The following GFI1 variants were observed in gnomAD, a reference collection of about 807,000 sequenced individuals.
The protein encoded by GFI1 is growth factor independent 1 transcriptional repressor.
Under a neutral mutation model 39.2 loss-of-function variants are expected in GFI1, and 15 were observed. That is an observed-to-expected ratio of 0.38 (90% confidence interval 0.26 to 0.59). The LOEUF (loss-of-function observed/expected upper bound fraction) is 0.59. Ranked by LOEUF, GFI1 falls within the 20% of genes least tolerant of loss-of-function variation. The pLI is 0.62. For missense variants in GFI1, 475 were observed against 574.0 expected, an observed-to-expected ratio of 0.83 and a Z score of 1.76; for synonymous variants, 239 against 254.3, an observed-to-expected ratio of 0.94 and a Z score of 0.57.
chr1:92,482,796 G>A lies in GFI1; in HGVS notation c.298+68C>T, dbSNP rs1658324395. ...TTAGCATTTCTACGCCCAAGGTCGCGCCAATTCCCCCCCAGCACTGCCGGG... is the reference window on the plus strand; with the variant it reads ...TTAGCATTTCTACGCCCAAGGTCGCACCAATTCCCCCCCAGCACTGCCGGG... On this transcript the variant is annotated intron_variant, in intron 3 of 6. Transcript: ENST00000294702. The surrounding 1 kb of genome is among the most constrained non-coding windows in gnomAD (Gnocchi z 4.4). 7.8e-7 allele frequency: 1 copy of A among 1,275,612 alleles called. No homozygotes were observed. Among genetic ancestry groups the A allele is most frequent in the Non-Finnish European group, 1.1e-6 (1 of 874,762 alleles). The allele number at this position is 1,275,612 out of a possible 1,614,324, so 79.0% of individuals were successfully genotyped here. A position where few individuals can be genotyped will look rare whatever the true frequency, so the allele number is the denominator to read the frequency against.
At chr1:92,483,789 T>A (rs1658406488) in intron 1 of GFI1, 2 of 437,900 alleles carry the variant, frequency 4.6e-6, no homozygotes, top group Non-Finnish European at 8.6e-6. Flanking sequence ...CCGCCGCCAC[T>A]GACACAGCTC....
chr1:92,475,915 T>A lies in GFI1; in HGVS notation c.*114A>T. The A allele has an allele frequency of 1.0e-6, 1 of 955,624 alleles. No individual in the cohort carries two copies. Among genetic ancestry groups the A allele is most frequent in the Non-Finnish European group, 1.6e-6 (1 of 609,780 alleles). The allele number at this position is 955,624 out of a possible 1,614,324, so 59.2% of individuals were successfully genotyped here. ...CCTGGTAGGATCTGCAGACTGGACC[T>A]GGGGTCTGGAAAGTCAGAAGGGAGT... On this transcript the variant is annotated 3_prime_UTR_variant, in exon 7 of 7. Transcript: ENST00000294702.
chr1:92,486,599 G>C (rs1484199252), intron 1 of GFI1, 127 bp downstream of exon 1: 2 of 139,834 alleles, frequency 1.4e-5, no homozygotes, highest in Non-Finnish European at 3.0e-5. Context: ...ACCGGCCCGC[G>C]GTGCCGCCGG....
rs993932597 is a variant in GFI1, at chr1:92,476,284, C to T, written c.1091-77G>A. On this transcript the variant is annotated intron_variant, in intron 6 of 6. Transcript: ENST00000294702. ...GAGGGGACCCACTGTGACCCACATG[C>T]TCTTGGCAGCAGCTGGTTGCACCAC... 2.9e-6 allele frequency: 4 copies of T among 1,363,306 alleles called. No homozygotes were observed. The African/African-American group carries it at 4.3e-5, about 15-fold the overall frequency. 84.5% of individuals were successfully genotyped at this position (1,363,306 alleles called of 1,614,324 possible).
chr1:92,481,345 G>A lies in GFI1; in HGVS notation c.299-257C>T, dbSNP rs1170670538. 6.6e-6 allele frequency among the ~76,000 whole-genome samples: 1 copy of A among 152,240 alleles called. No homozygotes were observed. Among genetic ancestry groups the A allele is most frequent in the Admixed American group, 6.5e-5 (1 of 15,292 alleles). ...GGAGAGGAGGTCGTAAATTCTGTGCGAGTGCAGCGGAGGCGCTCGGCGTTC... is the reference window on the plus strand; with the variant it reads ...GGAGAGGAGGTCGTAAATTCTGTGCAAGTGCAGCGGAGGCGCTCGGCGTTC... On this transcript the variant is annotated intron_variant, in intron 3 of 6. Transcript: ENST00000294702. The surrounding 1 kb of genome is among the most constrained non-coding windows in gnomAD (Gnocchi z 4.3).
intron 6 of GFI1, 85 bp downstream of exon 6, chr1:92,478,503 C>G (rs1483511319): frequency 1.7e-6 from 2 of 1,170,056 alleles, no homozygotes; most frequent in African/African-American, 3.0e-5. Context: ...GCCTCATCCA[C>G]CACTCACTGG....
At position 92,483,449 on chromosome 1, in the gene GFI1, G is replaced by A. The variant is rs371677124; in HGVS notation, c.39C>T (p.His13=). 1.9e-6 allele frequency: 3 copies of A among 1,612,782 alleles called. No individual in the cohort carries two copies. Among genetic ancestry groups the A allele is most frequent in the Non-Finnish European group, 2.5e-6 (3 of 1,178,976 alleles). Residue 13 remains histidine (H), a synonymous_variant, in exon 2 of 7, where the codon CAC becomes CAT. Coordinates refer to ENST00000294702, the MANE Select transcript of GFI1 (RefSeq NM_005263.5). ...RSFLVKSKKA[H]SYHQPRSPGP... ...CTGGGGAGCGCGGCTGGTGGTAGCT[G>A]TGAGCCTTCTTGCTTTTGACGAGAA... is the stretch of plus-strand genomic sequence containing the variant.
At position 92,480,725 on chromosome 1, in the gene GFI1, A is replaced by G; in HGVS notation, c.662T>C (p.Leu221Pro). ...YERPTAAAGL[L>P]YPERGHGLHA... ...CAGCCCGTGGCCACGCTCGGGGTAC[A>G]GCAAGCCCGCCGCTGCCGTGGGCCT... The change falls in exon 4 of 7, where the codon CTG becomes CCG. Residue 221 changes from leucine to proline, a missense_variant. Physicochemically the swap from Leu to Pro is moderately conservative, Grantham distance 98. This residue lies in a region of GFI1 where 79 missense variants were observed against 68.4 expected (regional missense o/e 1.15). Transcript: ENST00000294702. This position sits in a 1 kb window ranked among gnomAD's most constrained non-coding sequence, Gnocchi z 5.6. 6.3e-7 allele frequency: 1 copy of G among 1,594,772 alleles called. No homozygotes were observed. The highest frequency in any genetic ancestry group is 8.5e-7 in the Non-Finnish European group (1 of 1,176,954).
intron 1 of GFI1, among the ~76,000 whole-genome samples, chr1:92,485,180 G>A (rs1658469838): frequency 6.6e-6 from 1 of 152,202 alleles, no homozygotes; most frequent in Non-Finnish European, 1.5e-5. Flanking sequence ...CCAAGCGCCA[G>A]AATGCCCCTA....
intron 5 of GFI1, among the ~76,000 whole-genome samples, chr1:92,479,828 G>A (rs1041580538): frequency 5.3e-5 from 8 of 151,980 alleles, no homozygotes; most frequent in African/African-American, 1.9e-4. Flanking sequence ...CCTCCAGCCT[G>A]GGCAACAGAG....
chr1:92,485,868 G>C (rs981135648), intron 1 of GFI1: 2 of 152,250 alleles, frequency 1.3e-5, no homozygotes, highest in Non-Finnish European at 2.9e-5. Flanking sequence ...CCAGCTGCCG[G>C]AGCTCTCTGG....
chr1:92,478,117 T>C (rs1658049452), intron 6 of GFI1, among the ~76,000 whole-genome samples: 1 of 152,170 alleles, frequency 6.6e-6, no homozygotes, highest in Admixed American at 6.5e-5. Flanking sequence ...ATATTTGCCA[T>C]TATTTGTTCC....
At chr1:92,483,272 G>A in intron 2 of GFI1, 101 bp downstream of exon 2, 1 of 775,436 alleles carries the variant, frequency 1.3e-6, no homozygotes, top group Admixed American at 2.0e-5. Flanking sequence ...AGCAGCAAAA[G>A]GGACGTTGGG....
Position 92,482,747 on chromosome 1 carries a change from C to T in GFI1, c.298+117G>A. ...TCCCCTACGAATCAGCTCCCTTCTC[C>T]CGGAAAGACTCTCCAACTCCCCGTT... On this transcript the variant is annotated intron_variant, in intron 3 of 6. Coordinates refer to ENST00000294702, the MANE Select transcript of GFI1 (RefSeq NM_005263.5). The surrounding 1 kb of genome is among the most constrained non-coding windows in gnomAD (Gnocchi z 4.4). 1 of 824,088 alleles carries T rather than the reference C, an allele frequency of 1.2e-6. No individual in the cohort carries two copies. 51.0% of individuals were successfully genotyped at this position (824,088 alleles called of 1,614,324 possible).
In GFI1 at chr1:92,482,950, G is replaced by A. The variant is rs763578383; in HGVS notation, c.212C>T (p.Ser71Phe). Residue 71 changes from serine to phenylalanine, a missense_variant, in exon 3 of 7, where the codon TCC becomes TTC. Coordinates refer to ENST00000294702, the MANE Select transcript of GFI1 (RefSeq NM_005263.5). This position sits in a 1 kb window ranked among gnomAD's most constrained non-coding sequence, Gnocchi z 4.4. ...LTEAPDRASA[S>F]PDSCEGSVCE... ...GACGCTGCCTTCGCAGCTGTCTGGG[G>A]ATGCGGAGGCTCTGTCTGGGGCTTC... 10 of 1,613,740 alleles carry A rather than the reference G, an allele frequency of 6.2e-6. No individual in the cohort carries two copies. In the East Asian group the frequency reaches 1.6e-4, roughly 25 times the overall value.
chr1:92,480,606 T>G lies in GFI1; in HGVS notation c.781A>C (p.Ser261Arg). The G allele has an allele frequency of 4.5e-6, 7 of 1,556,086 alleles. No homozygotes were observed. Among genetic ancestry groups the G allele is most frequent in the Non-Finnish European group, 6.1e-6 (7 of 1,155,740 alleles). The change falls in exon 4 of 7, where the codon AGC becomes CGC. Residue 261 changes from serine to arginine, a missense_variant. Physicochemically the swap from Ser to Arg is moderately radical, Grantham distance 110. Transcript: ENST00000294702. The surrounding 1 kb of genome is among the most constrained non-coding windows in gnomAD (Gnocchi z 5.6). ...GGTGAGCTCGGGAGCCTCACCTTGC[T>G]GCACTTGATGCACTTGTAGGAGCCG... ...GGGSYKCIKC[S>R]KVFSTPHGLE...
At chr1:92,485,219 G>T (rs985360906) in intron 1 of GFI1, among the ~76,000 whole-genome samples, 2 of 152,150 alleles carry the variant, frequency 1.3e-5, no homozygotes, top group Non-Finnish European at 2.9e-5. Flanking sequence ...GCCTCCCTCC[G>T]GGGTGGCTCC....
rs1657817991 is a variant in GFI1, at chr1:92,473,411, T to G, written c.*2618A>C. Among the ~76,000 whole-genome samples the G allele has an allele frequency of 6.6e-6, 1 of 152,154 alleles. No individual in the cohort carries two copies. Among genetic ancestry groups the G allele is most frequent in the African/African-American group, 2.4e-5 (1 of 41,438 alleles). ...CACAGGGTGACTTCTGTGGGAAGGATGTTTTTGTCATTTTCATTCACTGGG... is the reference window on the plus strand; with the variant it reads ...CACAGGGTGACTTCTGTGGGAAGGAGGTTTTTGTCATTTTCATTCACTGGG... On this transcript the variant is annotated 3_prime_UTR_variant, in exon 7 of 7. Transcript: ENST00000294702.
chr1:92,484,003 G>T lies in GFI1; in HGVS notation c.-99-417C>A, dbSNP rs563388473. On this transcript the variant is annotated intron_variant, in intron 1 of 6. Transcript: ENST00000294702. The surrounding 1 kb of genome is among the most constrained non-coding windows in gnomAD (Gnocchi z 4.1). ...TTTACGGCTGGCGAGGGAGGGCGGG[G>T]ACACGCGGATCGGTTTAGGGGCCGG... 2 of 244,880 alleles carry T rather than the reference G, an allele frequency of 8.2e-6. No individual in the cohort carries two copies. The allele number at this position is 244,880 out of a possible 1,614,324, so 15.2% of individuals were successfully genotyped here.
Sources: allele counts gnomAD v4.1 joint callset (sites outside exome capture counted in the v4.1 genomes callset), GRCh38; gene constraint gnomAD v4.1.1; regional missense constraint gnomAD v4.1.1; non-coding constraint Gnocchi (gnomAD v3.1); transcripts MANE v1.5; gene names NCBI Gene and HGNC (gene_info 2026-07-23, HGNC 2026-07-21).